The following NALCN variants were observed in gnomAD, a reference collection of about 807,000 sequenced individuals.
NALCN encodes the protein sodium leak channel NALCN.
Under a neutral mutation model 225.3 loss-of-function variants are expected in NALCN, and 111 were observed. That is an observed-to-expected ratio of 0.49 (90% confidence interval 0.42 to 0.58). The LOEUF (loss-of-function observed/expected upper bound fraction) is 0.58. NALCN is among the 20% of genes least tolerant of loss of function. NALCN has a pLI of 0.00. For synonymous variants in NALCN, 764 were observed against 769.0 expected (o/e 0.99, Z 0.11); for missense variants, 1,378 against 2,202.4 (o/e 0.63, Z 7.49).
chr13:101,348,635 T>C (rs116764626), intron 6 of NALCN, among the ~76,000 whole-genome samples: 3,059 of 152,222 alleles, frequency 0.02, 110 homozygotes, highest in African/African-American at 0.07. Context: ...ATTAGAGTAT[T>C]TTTTCCTTTT....
At chr13:101,261,658 G>A (rs1199796655) in intron 10 of NALCN, among the ~76,000 whole-genome samples, 1 of 152,086 alleles carries the variant, frequency 6.6e-6, no homozygotes, top group African/African-American at 2.4e-5. Context: ...TTTGCTGTTG[G>A]CTTATAGAAA....
Position 101,370,528 on chromosome 13 carries a change from T to C in NALCN, c.644+6172A>G, listed in dbSNP as rs182563641. Among the ~76,000 whole-genome samples, 614 of 152,276 alleles carry C rather than the reference T, an allele frequency of 4.0e-3. 19 individuals carry two copies. Among genetic ancestry groups the C allele is most frequent in the Admixed American group, 0.035 (531 of 15,296 alleles). ...TGACCCCATGTGTAAAGCCAGATTG[T>C]AATTTGAAAGACTTTCAGAGTGTGA... On this transcript the variant is annotated intron_variant, in intron 6 of 43. Transcript: ENST00000251127.
chr13:101,213,943 G>T (rs1256393181), intron 13 of NALCN, among the ~76,000 whole-genome samples: 1 of 152,156 alleles, frequency 6.6e-6, no homozygotes, highest in East Asian at 1.9e-4. Flanking sequence ...CCATTACTGG[G>T]TATATACCCA....
chr13:101,288,540 A>G (rs191427869), intron 9 of NALCN, among the ~76,000 whole-genome samples: 2 of 152,284 alleles, frequency 1.3e-5, no homozygotes, highest in African/African-American at 4.8e-5. Context: ...CCCAAAGGAG[A>G]AAAACTCAAA....
chr13:101,141,167 C>T (rs1159364429), intron 17 of NALCN, among the ~76,000 whole-genome samples: 1 of 151,976 alleles, frequency 6.6e-6, no homozygotes, highest in African/African-American at 2.4e-5. Context: ...GGAAGAGTAA[C>T]AATTGAACGC....
At chr13:101,099,633 T>C (rs1464993559) in intron 27 of NALCN, among the ~76,000 whole-genome samples, 1 of 152,196 alleles carries the variant, frequency 6.6e-6, no homozygotes, top group African/African-American at 2.4e-5. Flanking sequence ...CTTTATGATA[T>C]TACAAAAATT....
rs78512759 is a variant in NALCN at position 101,375,975 on chromosome 13, C to A, written c.644+725G>T. Among the ~76,000 whole-genome samples, 528 of 152,176 alleles carry A rather than the reference C, an allele frequency of 3.5e-3. 2 individuals carry two copies. Among genetic ancestry groups the A allele is most frequent in the African/African-American group, 0.012 (495 of 41,528 alleles). On this transcript the variant is annotated intron_variant, in intron 6 of 43. Coordinates refer to ENST00000251127, the MANE Select transcript of NALCN (RefSeq NM_052867.4). ...ACAATGATCAGCCAAGTAGAAGAGG[C>A]AGGTGCTCTATTGCATAATACATAA...
chr13:101,306,116 A>C (rs1197714537), intron 7 of NALCN, among the ~76,000 whole-genome samples: 1 of 152,114 alleles, frequency 6.6e-6, no homozygotes, highest in Admixed American at 6.5e-5. Context: ...GACTATCCAG[A>C]TTAATTTCCA....
chr13:101,348,467 C>T (rs1222889654), intron 6 of NALCN, among the ~76,000 whole-genome samples: 1 of 152,082 alleles, frequency 6.6e-6, no homozygotes, highest in Non-Finnish European at 1.5e-5. Flanking sequence ...TGTGTATAGC[C>T]TCAGTTATCC....
At chr13:101,207,858 C>G (rs974314713) in intron 13 of NALCN, among the ~76,000 whole-genome samples, 1 of 152,370 alleles carries the variant, frequency 6.6e-6, no homozygotes, top group East Asian at 1.9e-4. Context: ...TGCAATACAT[C>G]TTGCTGCTGC....
chr13:101,178,861 G>A lies in NALCN; in HGVS notation c.1765-2487C>T, dbSNP rs550426324. On this transcript the variant is annotated intron_variant, in intron 14 of 43. Transcript: ENST00000251127. The stretch of plus-strand genomic sequence containing the variant: ...ATTTTCTGCCTCCGTGATCTCTTTA[G>A]CAGATTGCCAGTGATGTGCATTGCA... 3.9e-5 allele frequency among the ~76,000 whole-genome samples: 6 copies of A among 152,296 alleles called. No individual in the cohort carries two copies. In the East Asian group the frequency reaches 9.7e-4, roughly 25 times the overall value.
intron 1 of NALCN, among the ~76,000 whole-genome samples, chr13:101,408,206 T>A (rs150265835): frequency 6.6e-6 from 1 of 152,318 alleles, no homozygotes; most frequent in African/African-American, 2.4e-5. Flanking sequence ...GAGACGGGAA[T>A]CTCCAAGTTC....
intron 7 of NALCN, among the ~76,000 whole-genome samples, chr13:101,317,677 G>A (rs117251738): frequency 2.6e-5 from 4 of 152,038 alleles, no homozygotes; most frequent in South Asian, 4.2e-4. Context: ...AAACATGGAC[G>A]CCCTCTCTTC....
At chr13:101,355,684 C>T (rs1443384826) in intron 6 of NALCN, among the ~76,000 whole-genome samples, 1 of 152,152 alleles carries the variant, frequency 6.6e-6, no homozygotes, top group Non-Finnish European at 1.5e-5. Context: ...GAACTCAGCT[C>T]TGGATCAAGT....
At chr13:101,327,228 A>G (rs1173476202) in intron 7 of NALCN, among the ~76,000 whole-genome samples, 1 of 152,158 alleles carries the variant, frequency 6.6e-6, no homozygotes, top group Non-Finnish European at 1.5e-5. Context: ...AGTGCTATCA[A>G]TGATAGCGCT....
intron 15 of NALCN, among the ~76,000 whole-genome samples, chr13:101,152,179 G>T (rs9585630): frequency 6.6e-6 from 1 of 152,160 alleles, no homozygotes; most frequent in African/African-American, 2.4e-5. Flanking sequence ...TAGCCTATGG[G>T]CCATAAAAGC....
intron 14 of NALCN, among the ~76,000 whole-genome samples, chr13:101,190,756 T>C (rs1287720711): frequency 1.3e-5 from 2 of 152,228 alleles, no homozygotes; most frequent in Admixed American, 6.5e-5. Flanking sequence ...CATTCATAGA[T>C]ATTTAGAATT....
chr13:101,393,625 T>C (rs550459268), intron 3 of NALCN, among the ~76,000 whole-genome samples: 1 of 152,104 alleles, frequency 6.6e-6, no homozygotes, highest in Non-Finnish European at 1.5e-5. Flanking sequence ...AAGACCAACA[T>C]GGAGAAGCCC....
intron 15 of NALCN, among the ~76,000 whole-genome samples, chr13:101,161,244 C>T (rs1005176708): frequency 5.3e-5 from 8 of 152,194 alleles, no homozygotes; most frequent in African/African-American, 1.9e-4. Flanking sequence ...AGCCATCCTT[C>T]TCCCCTGAAC....
Sources: allele counts gnomAD v4.1 joint callset (sites outside exome capture counted in the v4.1 genomes callset), GRCh38; gene constraint gnomAD v4.1.1; transcripts MANE v1.5; gene names NCBI Gene and HGNC (gene_info 2026-07-23, HGNC 2026-07-21).